MACF1: variants seen among roughly 807,000 people sequenced by gnomAD.
MACF1 encodes microtubule actin crosslinking factor 1.
MACF1 carries 193 observed loss-of-function variants against 854.8 expected under a neutral mutation model. The observed-to-expected ratio is 0.23, with a 90% CI of 0.20 to 0.25. MACF1 has a LOEUF of 0.25. Among genes scored for constraint, MACF1 ranks in the 10% least tolerant of loss-of-function variants. MACF1 has a pLI of 1.00. For synonymous variants in MACF1, 3,185 were observed against 3,226.7 expected, an observed-to-expected ratio of 0.99 and a Z score of 0.44; for missense variants, 7,722 against 8,929.1, an observed-to-expected ratio of 0.86 and a Z score of 5.45.
At position 39,300,455 on chromosome 1, in the gene MACF1, T is replaced by C. The variant is rs1646015659; in HGVS notation, c.2634+93T>C. 4 of 1,267,144 alleles carry C rather than the reference T, an allele frequency of 3.2e-6. No homozygotes were observed. The South Asian group carries it at 4.9e-5, about 16-fold the overall frequency. 78.5% of individuals were successfully genotyped at this position (1,267,144 alleles called of 1,614,324 possible). ...GGGTTATGATGATAAAAGATCAAAT[T>C]ACAGCGTTTTTAAAATTAGAATTTA... On this transcript the variant is annotated intron_variant, in intron 22 of 100. Coordinates refer to ENST00000564288, the MANE Select transcript of MACF1 (RefSeq NM_001394062.1).
intron 89 of MACF1, chr1:39,457,109 A>T (rs527326874): frequency 6.6e-6 from 1 of 152,230 alleles, no homozygotes; most frequent in Non-Finnish European, 1.5e-5. Context: ...GCTATTACCT[A>T]TAAAGCTTCT....
Position 39,455,084 on chromosome 1 carries a change from T to C in MACF1, c.21062T>C (p.Ile7021Thr), listed in dbSNP as rs1644409339. The change falls in exon 89 of 101, where the codon ATC (isoleucine) becomes ACC (threonine). Residue 7021 changes from isoleucine (I) to threonine (T), a missense_variant. By Grantham distance (89) the Ile-to-Thr change is moderately conservative (BLOSUM62 -1). This residue lies in a region of MACF1 where 729 missense variants were observed against 900.5 expected (regional missense o/e 0.81). Coordinates refer to ENST00000564288, the MANE Select transcript of MACF1 (RefSeq NM_001394062.1). ...PQNIDRVKALIAEHQTFMEEM... is the reference protein window; with the variant it reads ...PQNIDRVKALTAEHQTFMEEM... ...AACATTGACCGAGTTAAAGCCCTTA[T>C]CGCTGAGCATCAGGTATCTTAACCT... 6.2e-7 allele frequency: 1 copy of C among 1,614,010 alleles called. No individual in the cohort carries two copies. The highest frequency in any genetic ancestry group is 1.1e-5 in the South Asian group (1 of 91,052).
chr1:39,127,770 G>A (rs1244566167), intron 2 of MACF1, among the ~76,000 whole-genome samples: 6 of 152,126 alleles, frequency 3.9e-5, no homozygotes, highest in African/African-American at 1.4e-4. Context: ...AAGAGAATGT[G>A]AAGTCAGTTC....
chr1:39,238,784 T>G (rs1281222567), intron 2 of MACF1, among the ~76,000 whole-genome samples: 1 of 152,212 alleles, frequency 6.6e-6, no homozygotes, highest in Non-Finnish European at 1.5e-5. Flanking sequence ...GCCTTACAGT[T>G]TCAATAACAT....
intron 2 of MACF1, among the ~76,000 whole-genome samples, chr1:39,131,297 T>G (rs1358132833): frequency 6.6e-6 from 1 of 150,796 alleles, no homozygotes; most frequent in African/African-American, 2.4e-5. Flanking sequence ...CTGAGTAAGC[T>G]AGGAATACAG....
intron 15 of MACF1, 23 bp from the exon 16 acceptor site, chr1:39,291,887 T>C (rs1645797662): frequency 3.7e-6 from 6 of 1,606,896 alleles, no homozygotes; most frequent in Non-Finnish European, 2.5e-6. Flanking sequence ...AATTATGTCA[T>C]ATATATATTT....
chr1:39,310,913 G>C lies in MACF1; in HGVS notation c.3183G>C (p.Arg1061Ser). The stretch of plus-strand genomic sequence containing the variant: ...TACGCCTGGAGGAGTATGAACAGAG[G>C]GTGGTCAAACGAATTCAGTCTCTAG... The part of the protein sequence containing the change: ...IRLRLEEYEQ[R>S]VVKRIQSLAS... The change falls in exon 26 of 101, where the codon AGG (arginine) becomes AGC (serine). Residue 1061 changes from arginine (R) to serine (S), a missense_variant. Arg to Ser is a moderately radical substitution (Grantham distance 110). Coordinates refer to ENST00000564288, the MANE Select transcript of MACF1 (RefSeq NM_001394062.1). The C allele has an allele frequency of 6.2e-7, 1 of 1,614,174 alleles. No homozygotes were observed. The highest frequency in any genetic ancestry group is 1.3e-5 in the African/African-American group (1 of 75,056).
chr1:39,107,476 A>AGTTGTATAC (rs58984312), intron 2 of MACF1, among the ~76,000 whole-genome samples: 9,394 of 152,022 alleles, frequency 0.062, 485 homozygotes, highest in African/African-American at 0.14. Context: ...AATTACCTCG[A>AGTTGTATAC]GTTGTATACG....
chr1:39,265,789 G>A (rs535972241), intron 6 of MACF1, among the ~76,000 whole-genome samples: 3 of 152,196 alleles, frequency 2.0e-5, no homozygotes, highest in Non-Finnish European at 4.4e-5. Context: ...GATCCCCCCG[G>A]GGGCTGGGGA....
intron 58 of MACF1, chr1:39,410,032 T>G (rs1223268329): frequency 2.4e-6 from 1 of 423,380 alleles, no homozygotes; most frequent in East Asian, 3.4e-5. Flanking sequence ...TATTTTAAAT[T>G]ATATCGTCTG....
chr1:39,212,473 T>C (rs1230652517), intron 1 of MACF1, among the ~76,000 whole-genome samples: 2 of 152,146 alleles, frequency 1.3e-5, no homozygotes, highest in African/African-American at 2.4e-5. Flanking sequence ...CCAGGGAATT[T>C]AGGAGATGGC....
Position 39,296,985 on chromosome 1 carries a change from A to G in MACF1, c.2356-635A>G, listed in dbSNP as rs867214936. On this transcript the variant is annotated intron_variant, in intron 20 of 100. Transcript: ENST00000564288. ...GTCGCCCAGGCTGGAGTGCAGTGGC[A>G]CGATCTCTGCTCACTGCAAACTCCG... is the stretch of plus-strand genomic sequence containing the variant. Among the ~76,000 whole-genome samples the G allele has an allele frequency of 1.1e-4, 17 of 151,850 alleles. 1 individual carries two copies. In the Middle Eastern group the frequency reaches 0.027, roughly 243 times the overall value.
chr1:39,445,527 T>C (rs1470760880), intron 80 of MACF1, among the ~76,000 whole-genome samples: 1 of 152,202 alleles, frequency 6.6e-6, no homozygotes. Context: ...GACGACCCTA[T>C]CTTTGGGAAA....
chr1:39,375,124 A>G (rs567444049), intron 52 of MACF1, among the ~76,000 whole-genome samples: 10 of 151,984 alleles, frequency 6.6e-5, no homozygotes, highest in African/African-American at 2.4e-4. Context: ...ATAAATAAAT[A>G]AATAAATAAT....
intron 58 of MACF1, among the ~76,000 whole-genome samples, chr1:39,406,163 T>G (rs1642690903): frequency 6.6e-6 from 1 of 152,194 alleles, no homozygotes; most frequent in African/African-American, 2.4e-5. Flanking sequence ...AGGATTAGAT[T>G]ACTATATGTA....
At chr1:39,415,401 T>C (rs928495290) in intron 58 of MACF1, among the ~76,000 whole-genome samples, 2 of 151,246 alleles carry the variant, frequency 1.3e-5, no homozygotes, top group East Asian at 1.9e-4. Flanking sequence ...AGTGGTGCGA[T>C]CTCAGCTCAC....
chr1:39,414,607 G>A (rs190039579), intron 58 of MACF1: 17 of 1,388,728 alleles, frequency 1.2e-5, no homozygotes, highest in Non-Finnish European at 1.6e-5. Context: ...CTTATAGTTT[G>A]TAGTCTTTCT....
chr1:39,451,960 G>C (rs907014300), intron 85 of MACF1, among the ~76,000 whole-genome samples, 196 bp from the exon 86 acceptor site: 3 of 151,754 alleles, frequency 2.0e-5, no homozygotes, highest in African/African-American at 7.3e-5. Flanking sequence ...CTCTCATCTC[G>C]GCTTCCCAAA....
chr1:39,430,362 A>G (rs577123413), intron 65 of MACF1, among the ~76,000 whole-genome samples: 1 of 152,144 alleles, frequency 6.6e-6, no homozygotes, highest in Non-Finnish European at 1.5e-5. Context: ...CTAGATGCAT[A>G]GAAATATTGT....
Sources: allele counts gnomAD v4.1 joint callset (sites outside exome capture counted in the v4.1 genomes callset), GRCh38; gene constraint gnomAD v4.1.1; regional missense constraint gnomAD v4.1.1; transcripts MANE v1.5; gene names NCBI Gene and HGNC (gene_info 2026-07-23, HGNC 2026-07-21).